Variants in ITGBL1 observed in about 807,000 individuals in gnomAD.
The protein encoded by ITGBL1 is integrin beta-like protein 1.
ITGBL1 carries 51 observed loss-of-function variants against 68.5 expected under a neutral mutation model. The observed-to-expected ratio is 0.74, with a 90% CI of 0.59 to 0.94. ITGBL1 has a LOEUF of 0.94. Among genes scored for constraint, ITGBL1 ranks in the 40% least tolerant of loss-of-function variants. The probability of loss-of-function intolerance (pLI) is 0.00; values close to 1 mark genes in which losing one functional copy is unlikely to be tolerated. For synonymous variants in ITGBL1, 209 were observed against 227.3 expected, an observed-to-expected ratio of 0.92 and a Z score of 0.72; for missense variants, 649 against 647.4, an observed-to-expected ratio of 1.00 and a Z score of -0.03.
At chr13:101,704,582 C>T (rs1227455308) in intron 8 of ITGBL1, among the ~76,000 whole-genome samples, 4 of 150,454 alleles carry the variant, frequency 2.7e-5, no homozygotes, top group Non-Finnish European at 5.9e-5. Flanking sequence ...AGAGAAGAGA[C>T]TTGCAAGGAG....
intron 6 of ITGBL1, among the ~76,000 whole-genome samples, chr13:101,589,325 AACAATAAAACCAGTTCTACTCTCCCCAG>A (rs2050612254): frequency 6.6e-6 from 1 of 152,188 alleles, no homozygotes. Context: ...ACTTTCCCCA[AACAATAAAACCAGTTCTACTCTCCCCAG>A]ACAATAAAAC....
intron 2 of ITGBL1, among the ~76,000 whole-genome samples, chr13:101,488,792 G>A (rs1402111523): frequency 6.6e-6 from 1 of 152,086 alleles, no homozygotes; most frequent in Non-Finnish European, 1.5e-5. Context: ...ACTCATTAAA[G>A]ATTAAAGAAG....
intron 2 of ITGBL1, among the ~76,000 whole-genome samples, chr13:101,458,452 T>C (rs987949811): frequency 6.6e-6 from 1 of 152,204 alleles, no homozygotes; most frequent in African/African-American, 2.4e-5. Flanking sequence ...ATGTTGAGAA[T>C]TACAGTTGAT....
At chr13:101,621,505 T>C (rs562714232) in intron 7 of ITGBL1, among the ~76,000 whole-genome samples, 1 of 152,164 alleles carries the variant, frequency 6.6e-6, no homozygotes, top group East Asian at 1.9e-4. Flanking sequence ...CTTTTTTTTC[T>C]CCCACTTAAA....
At chr13:101,684,376 A>G (rs906560668) in intron 7 of ITGBL1, among the ~76,000 whole-genome samples, 2 of 151,872 alleles carry the variant, frequency 1.3e-5, no homozygotes, top group Non-Finnish European at 2.9e-5. Context: ...TTGGCTTTTA[A>G]GCTTTAAAAA....
chr13:101,541,867 T>A (rs577748755), intron 2 of ITGBL1, among the ~76,000 whole-genome samples: 1 of 152,216 alleles, frequency 6.6e-6, no homozygotes, highest in South Asian at 2.1e-4. Context: ...TATTCTCTGA[T>A]GGTAGTTTGT....
chr13:101,678,324 A>T (rs2033555010), intron 7 of ITGBL1, among the ~76,000 whole-genome samples: 1 of 152,148 alleles, frequency 6.6e-6, no homozygotes, highest in South Asian at 2.1e-4. Context: ...TTTATGGTGA[A>T]TTTTTCTTAA....
At chr13:101,582,854 T>C (rs2050483519) in intron 5 of ITGBL1, among the ~76,000 whole-genome samples, 1 of 152,188 alleles carries the variant, frequency 6.6e-6, no homozygotes, top group Non-Finnish European at 1.5e-5. Flanking sequence ...ACATTGTTTT[T>C]AGTGTTTGTT....
intron 2 of ITGBL1, among the ~76,000 whole-genome samples, chr13:101,505,125 C>A (rs1335591): frequency 0.9 from 136,371 of 152,208 alleles, 61,323 homozygotes; most frequent in East Asian, 1. Flanking sequence ...AAAAGGCCAA[C>A]ATTAACAGTG....
intron 7 of ITGBL1, among the ~76,000 whole-genome samples, chr13:101,634,157 G>C (rs564665825): frequency 6.6e-6 from 1 of 152,004 alleles, no homozygotes; most frequent in Admixed American, 6.6e-5. Flanking sequence ...AAATTCAATC[G>C]AATATATTTT....
At chr13:101,513,819 C>A (rs1033908193) in intron 2 of ITGBL1, among the ~76,000 whole-genome samples, 1 of 151,938 alleles carries the variant, frequency 6.6e-6, no homozygotes, top group Non-Finnish European at 1.5e-5. Flanking sequence ...TATTTTGCAC[C>A]AATATTCTAG....
intron 7 of ITGBL1, among the ~76,000 whole-genome samples, chr13:101,689,121 C>A (rs918688774): frequency 6.7e-6 from 1 of 148,530 alleles, no homozygotes; most frequent in Non-Finnish European, 1.5e-5. Context: ...AAGAGAATTG[C>A]TTGAACCCAG....
chr13:101,522,141 T>C (rs955355967), intron 2 of ITGBL1, among the ~76,000 whole-genome samples: 2 of 152,160 alleles, frequency 1.3e-5, no homozygotes, highest in African/African-American at 4.8e-5. Context: ...ATCCTTATGA[T>C]GTCATTTAAC....
chr13:101,672,431 A>G (rs778234399), intron 7 of ITGBL1, among the ~76,000 whole-genome samples: 2 of 152,238 alleles, frequency 1.3e-5, no homozygotes, highest in African/African-American at 2.4e-5. Context: ...AGTTGTGCCA[A>G]TAGGAAGAAA....
At chr13:101,455,476 C>G (rs955155208) in intron 2 of ITGBL1, among the ~76,000 whole-genome samples, 1 of 151,960 alleles carries the variant, frequency 6.6e-6, no homozygotes, top group Admixed American at 6.6e-5. Context: ...AGACCAGCCT[C>G]GCCAACTTGC....
intron 7 of ITGBL1, among the ~76,000 whole-genome samples, chr13:101,671,784 C>A (rs948414620): frequency 1.3e-5 from 2 of 152,050 alleles, no homozygotes; most frequent in Admixed American, 1.3e-4. Context: ...ACTTTTTATC[C>A]CTATTTGATC....
chr13:101,548,461 C>T (rs1353281803), intron 2 of ITGBL1, among the ~76,000 whole-genome samples: 1 of 151,686 alleles, frequency 6.6e-6, no homozygotes, highest in Non-Finnish European at 1.5e-5. Context: ...TTAATCTATG[C>T]CTTAAATGTA....
chr13:101,563,336 TAAAG>T (rs1280638249), intron 2 of ITGBL1, among the ~76,000 whole-genome samples: 2 of 150,932 alleles, frequency 1.3e-5, no homozygotes, highest in African/African-American at 2.4e-5. Context: ...AGAAAAACAA[TAAAG>T]AAAATCAATA....
intron 7 of ITGBL1, among the ~76,000 whole-genome samples, chr13:101,618,732 G>T (rs2031467037): frequency 6.6e-6 from 1 of 152,074 alleles, no homozygotes; most frequent in East Asian, 1.9e-4. Flanking sequence ...TCTGAATCTT[G>T]TCTACTGCAG....
Sources: allele counts gnomAD v4.1 joint callset (sites outside exome capture counted in the v4.1 genomes callset), GRCh38; gene constraint gnomAD v4.1.1; transcripts MANE v1.5; gene names NCBI Gene and HGNC (gene_info 2026-07-23, HGNC 2026-07-21).